NRG1: variants seen among roughly 807,000 people sequenced by gnomAD.
The protein encoded by NRG1 is pro-neuregulin-1, membrane-bound isoform.
A neutral mutation model predicts 63.8 loss-of-function variants in NRG1; 18 were observed. That is an observed-to-expected ratio of 0.28 (90% CI 0.19 to 0.42). The LOEUF (loss-of-function observed/expected upper bound fraction) is 0.42, where lower values mean the gene tolerates loss of function less well. NRG1 is among the 10% of genes least tolerant of loss of function. The pLI is 1.00. For synonymous variants in NRG1, 302 were observed against 301.3 expected (o/e 1.00, Z -0.02); for missense variants, 762 against 814.7 (o/e 0.94, Z 0.79).
intron 1 of NRG1, among the ~76,000 whole-genome samples, chr8:31,826,871 A>G (rs1824619390): frequency 6.6e-6 from 1 of 152,214 alleles, no homozygotes; most frequent in African/African-American, 2.4e-5. Context: ...CAGTTATATT[A>G]GGTTTGTTAA....
At chr8:32,484,194 T>A (rs1173546644) in intron 1 of NRG1, among the ~76,000 whole-genome samples, 1 of 151,808 alleles carries the variant, frequency 6.6e-6, no homozygotes, top group Non-Finnish European at 1.5e-5. Context: ...ACAAAACCAG[T>A]GTACTAAGGA....
intron 1 of NRG1, among the ~76,000 whole-genome samples, chr8:31,947,921 G>A (rs947203838): frequency 1.5e-5 from 2 of 135,170 alleles, no homozygotes; most frequent in African/African-American, 5.9e-5. Flanking sequence ...CTCCAGCTTG[G>A]GCTACAGAGT....
chr8:32,733,682 A>G (rs1399199892), intron 6 of NRG1, among the ~76,000 whole-genome samples: 3 of 152,154 alleles, frequency 2.0e-5, no homozygotes, highest in Non-Finnish European at 4.4e-5. Flanking sequence ...GAGAAAATAT[A>G]AGGAATGGTG....
intron 1 of NRG1, among the ~76,000 whole-genome samples, chr8:32,568,638 G>A (rs1837922447): frequency 6.6e-6 from 1 of 152,230 alleles, no homozygotes; most frequent in East Asian, 1.9e-4. Flanking sequence ...GAAGCTGTCC[G>A]GGATAGGGCC....
At chr8:32,324,021 G>T (rs1416131940) in intron 1 of NRG1, among the ~76,000 whole-genome samples, 5 of 151,918 alleles carry the variant, frequency 3.3e-5, no homozygotes, top group Admixed American at 1.3e-4. Flanking sequence ...CTATAAAGTG[G>T]CTACGTGATC....
At chr8:32,610,499 A>T (rs6996203) in intron 3 of NRG1, among the ~76,000 whole-genome samples, 8,989 of 152,222 alleles carry the variant, frequency 0.059, 338 homozygotes, top group Non-Finnish European at 0.089. Flanking sequence ...CATTGTTTAG[A>T]TCTATCTGGA....
intron 1 of NRG1, among the ~76,000 whole-genome samples, chr8:32,224,270 T>A (rs188751661): frequency 4.5e-4 from 69 of 152,200 alleles, no homozygotes; most frequent in African/African-American, 1.5e-3. Context: ...CAGGTGGGGT[T>A]TGGTCGATCG....
intron 1 of NRG1, among the ~76,000 whole-genome samples, chr8:32,413,488 G>T (rs567974093): frequency 5.8e-4 from 88 of 152,278 alleles, no homozygotes; most frequent in Non-Finnish European, 1.1e-3. Flanking sequence ...AGAAAAAGGA[G>T]ATTAGATAAA....
intron 1 of NRG1, among the ~76,000 whole-genome samples, chr8:31,666,022 G>A (rs1012661303): frequency 7.2e-5 from 11 of 152,074 alleles, no homozygotes; most frequent in Middle Eastern, 3.2e-3. Context: ...GCCTCCTACC[G>A]TGTTTTTATA....
At chr8:32,406,176 C>T (rs1278774664) in intron 1 of NRG1, among the ~76,000 whole-genome samples, 3 of 152,156 alleles carry the variant, frequency 2.0e-5, no homozygotes, top group Non-Finnish European at 4.4e-5. Flanking sequence ...AACTTCAGTG[C>T]CCTCATCTTA....
At chr8:31,876,437 T>A (rs2129612191) in intron 1 of NRG1, among the ~76,000 whole-genome samples, 1 of 152,322 alleles carries the variant, frequency 6.6e-6, no homozygotes, top group African/African-American at 2.4e-5. Context: ...TGATTTAATA[T>A]CTGTATGTGC....
intron 1 of NRG1, among the ~76,000 whole-genome samples, chr8:32,089,717 C>T (rs1300520379): frequency 1.3e-5 from 2 of 151,956 alleles, no homozygotes; most frequent in Non-Finnish European, 2.9e-5. Flanking sequence ...AACGCTCATA[C>T]ATTAAAAACT....
chr8:31,860,399 A>G (rs1828365890), intron 1 of NRG1, among the ~76,000 whole-genome samples: 1 of 152,200 alleles, frequency 6.6e-6, no homozygotes, highest in Non-Finnish European at 1.5e-5. Context: ...GCAGAATTAG[A>G]TCATGAAAAT....
intron 1 of NRG1, among the ~76,000 whole-genome samples, chr8:31,879,623 G>A (rs1342620489): frequency 6.6e-6 from 1 of 152,112 alleles, no homozygotes; most frequent in Non-Finnish European, 1.5e-5. Flanking sequence ...AACACGTCAT[G>A]GGGGTTTGTT....
intron 1 of NRG1, among the ~76,000 whole-genome samples, chr8:31,741,544 A>G (rs187799694): frequency 6.6e-6 from 1 of 152,066 alleles, no homozygotes; most frequent in African/African-American, 2.4e-5. Context: ...AGTAAATAAC[A>G]TAAAAGCAAA....
intron 1 of NRG1, among the ~76,000 whole-genome samples, chr8:31,703,913 T>G (rs947352389): frequency 7.2e-5 from 11 of 152,250 alleles, no homozygotes; most frequent in African/African-American, 2.7e-4. Flanking sequence ...TTAATTTTTC[T>G]TAAACACTTT....
chr8:32,158,475 T>TATATATATATATATATATATATATATATA (rs1838431416), intron 1 of NRG1, among the ~76,000 whole-genome samples: 1 of 37,274 alleles, frequency 2.7e-5, no homozygotes. Flanking sequence ...ATATATATCA[T>TATATATATATATATATATATATATATATA]GTATATGTAT....
intron 1 of NRG1, among the ~76,000 whole-genome samples, chr8:32,302,577 C>A (rs1339398503): frequency 7.1e-6 from 1 of 140,882 alleles, no homozygotes; most frequent in Admixed American, 7.2e-5. Context: ...TTTTATAATG[C>A]ATCCTTCTGG....
At chr8:32,611,373 T>A (rs1341167042) in intron 3 of NRG1, among the ~76,000 whole-genome samples, 1 of 149,764 alleles carries the variant, frequency 6.7e-6, no homozygotes, top group Non-Finnish European at 1.5e-5. Context: ...TTGATAATGA[T>A]GTTAGAAATT....
Sources: gnomAD v4.1 joint callset for allele counts (sites outside exome capture counted in the v4.1 genomes callset) on GRCh38, gnomAD v4.1.1 for gene constraint, MANE v1.5 for transcripts, NCBI Gene and HGNC (gene_info 2026-07-23, HGNC 2026-07-21) for gene names.